The following NTM variants were observed in gnomAD, a reference collection of about 807,000 sequenced individuals.
NTM encodes the protein IgLON family member 2.
A neutral mutation model predicts 42.1 loss-of-function variants in NTM; 13 were observed. The ratio of observed to expected loss-of-function variants is 0.31; its 90% CI spans 0.20 to 0.49. The LOEUF is 0.49. Among genes scored for constraint, NTM ranks in the 20% least tolerant of loss-of-function variants. The pLI, the probability that NTM is intolerant of heterozygous loss-of-function variation, is 0.99. For synonymous variants in NTM, 187 were observed against 179.2 expected (o/e 1.04, Z -0.35); for missense variants, 373 against 452.8 (o/e 0.82, Z 1.60).
chr11:132,114,431 G>T (rs1465382846), intron 2 of NTM, among the ~76,000 whole-genome samples: 1 of 152,142 alleles, frequency 6.6e-6, no homozygotes, highest in African/African-American at 2.4e-5. Context: ...TTGGATTGCA[G>T]TTGGCAAGTT....
chr11:131,816,026 C>A (rs1458705453), intron 1 of NTM, among the ~76,000 whole-genome samples: 1 of 152,138 alleles, frequency 6.6e-6, no homozygotes, highest in Non-Finnish European at 1.5e-5. Context: ...AACTGAATTG[C>A]CTTCTCTTTT....
At chr11:132,044,684 C>A (rs1291035102) in intron 2 of NTM, among the ~76,000 whole-genome samples, 3 of 152,118 alleles carry the variant, frequency 2.0e-5, no homozygotes, top group East Asian at 3.9e-4. Flanking sequence ...GACATTTTAT[C>A]CCTGAGCTCC....
chr11:131,404,235 T>C (rs1384510434), intron 1 of NTM, among the ~76,000 whole-genome samples: 1 of 152,164 alleles, frequency 6.6e-6, no homozygotes, highest in African/African-American at 2.4e-5. Flanking sequence ...CCACTAAAGC[T>C]ACTCTCATCA....
intron 1 of NTM, among the ~76,000 whole-genome samples, chr11:131,662,798 A>T: frequency 6.6e-6 from 1 of 152,140 alleles, no homozygotes; most frequent in East Asian, 1.9e-4. Context: ...TGGACCTCAG[A>T]ACTTGCCTTG....
intron 1 of NTM, among the ~76,000 whole-genome samples, chr11:131,516,846 A>G (rs1372638269): frequency 3.3e-5 from 5 of 152,220 alleles, no homozygotes; most frequent in African/African-American, 7.2e-5. Context: ...CTTAGTGGTA[A>G]CGAATCTTTG....
At chr11:132,186,627 G>A (rs2078442192) in intron 3 of NTM, among the ~76,000 whole-genome samples, 1 of 152,184 alleles carries the variant, frequency 6.6e-6, no homozygotes, top group South Asian at 2.1e-4. Flanking sequence ...TCAGGTCATG[G>A]CATTGCAGCC....
At chr11:131,505,948 TCTGTTATTGCCC>T (rs2047435941) in intron 1 of NTM, among the ~76,000 whole-genome samples, 1 of 152,078 alleles carries the variant, frequency 6.6e-6, no homozygotes, top group Non-Finnish European at 1.5e-5. Context: ...ACAGTGTGCC[TCTGTTATTGCCC>T]TTTTGTCTCG....
intron 1 of NTM, among the ~76,000 whole-genome samples, chr11:131,707,282 C>T (rs2076685471): frequency 1.3e-5 from 2 of 152,036 alleles, no homozygotes; most frequent in African/African-American, 4.8e-5. Context: ...TTTAACTTAG[C>T]ATAATGTCCT....
intron 1 of NTM, among the ~76,000 whole-genome samples, chr11:131,574,092 C>T (rs1043741259): frequency 2.0e-5 from 3 of 152,168 alleles, no homozygotes; most frequent in African/African-American, 7.2e-5. Flanking sequence ...GGGAGCTAGA[C>T]GCCCAGTGTG....
intron 3 of NTM, among the ~76,000 whole-genome samples, chr11:132,187,445 G>T (rs1043283494): frequency 5.3e-5 from 8 of 152,106 alleles, no homozygotes; most frequent in Admixed American, 2.0e-4. Flanking sequence ...GCTTGGGAAA[G>T]GCAGTATATT....
In NTM at chr11:131,524,371, A is replaced by C. The variant is rs1591931906; in HGVS notation, c.82+153483A>C. On this transcript the variant is annotated intron_variant, in intron 1 of 8. Coordinates refer to ENST00000683400, the MANE Select transcript of NTM (RefSeq NM_001352005.2). Reference sequence around the variant, plus strand: ...CTCCCAGGCTGGGCCTGGTGCTGACATGTGATCCCTTCTGCTGCACTCTGT... The same window carrying C: ...CTCCCAGGCTGGGCCTGGTGCTGACCTGTGATCCCTTCTGCTGCACTCTGT... Among the ~76,000 whole-genome samples, 2 of 152,148 alleles carry C rather than the reference A, an allele frequency of 1.3e-5. 1 individual carries two copies. The highest frequency in any genetic ancestry group is 1.3e-4 in the Admixed American group (2 of 15,276).
chr11:131,929,507 G>A (rs150852230), intron 2 of NTM, among the ~76,000 whole-genome samples: 2 of 150,546 alleles, frequency 1.3e-5, no homozygotes, highest in Non-Finnish European at 3.0e-5. Context: ...AAAACTTTCC[G>A]TTTTTTTTGT....
rs531122101 is a variant in NTM, at chr11:131,753,887, T to TATA, written c.83-157666_83-157664dup. Among the ~76,000 whole-genome samples the TATA allele has an allele frequency of 3.7e-3, 544 of 146,612 alleles. 6 individuals are homozygous for TATA. Among genetic ancestry groups the TATA allele is most frequent in the African/African-American group, 0.013 (514 of 39,806 alleles). On this transcript the variant is annotated intron_variant, in intron 1 of 8. Transcript: ENST00000683400. ...TGCACATGTACCCTAAAACTTAAAG[T>TATA]ATAATAATAATAAAATTAAAAAAAG...
intron 1 of NTM, among the ~76,000 whole-genome samples, chr11:131,574,570 G>T (rs1435255504): frequency 6.8e-6 from 1 of 147,440 alleles, no homozygotes; most frequent in Non-Finnish European, 1.5e-5. Flanking sequence ...GAGTGTGTGT[G>T]TGTGTGTGTG....
At chr11:131,795,053 A>C in intron 1 of NTM, 9 of 842,420 alleles carry the variant, frequency 1.1e-5, no homozygotes, top group Non-Finnish European at 1.3e-5. Context: ...GGGGAAAAAA[A>C]CAGCACTAGT....
intron 1 of NTM, among the ~76,000 whole-genome samples, chr11:131,483,698 C>T (rs1458613413): frequency 2.0e-5 from 3 of 152,166 alleles, no homozygotes; most frequent in Non-Finnish European, 2.9e-5. Context: ...GAAGAAGAGC[C>T]GCTGTCCCTC....
rs1311315774 is a variant in NTM at position 131,852,909 on chromosome 11, TCCATCCATCCACCCAC to T, written c.83-58643_83-58628del. 2.7e-3 allele frequency among the ~76,000 whole-genome samples: 401 copies of T among 146,490 alleles called. 2 individuals are homozygous for T. The highest frequency in any genetic ancestry group is 9.6e-3 in the African/African-American group (380 of 39,688). On this transcript the variant is annotated intron_variant, in intron 1 of 8. Coordinates refer to ENST00000683400, the MANE Select transcript of NTM (RefSeq NM_001352005.2). The stretch of plus-strand genomic sequence containing the variant: ...ATCCATCCATCCACCCACCCATCCA[TCCATCCATCCACCCAC>T]CCATCCATCCATCCACCCACCCATT...
intron 4 of NTM, among the ~76,000 whole-genome samples, chr11:132,218,973 G>T (rs1156969624): frequency 6.6e-6 from 1 of 152,138 alleles, no homozygotes; most frequent in Non-Finnish European, 1.5e-5. Context: ...CCTCTCTGAA[G>T]ATGTGCTTCT....
intron 1 of NTM, among the ~76,000 whole-genome samples, chr11:131,667,721 G>A (rs2069329242): frequency 6.6e-6 from 1 of 152,138 alleles, no homozygotes; most frequent in Admixed American, 6.5e-5. Context: ...TTGAGACTTT[G>A]AGGGCTTCTC....
Sources: gnomAD v4.1 joint callset for allele counts (sites outside exome capture counted in the v4.1 genomes callset) on GRCh38, gnomAD v4.1.1 for gene constraint, MANE v1.5 for transcripts, NCBI Gene and HGNC (gene_info 2026-07-23, HGNC 2026-07-21) for gene names.